ANAPC10: variants seen among roughly 807,000 people sequenced by gnomAD.
ANAPC10 encodes the protein anaphase-promoting complex subunit 10.
In ANAPC10, 12 loss-of-function variants were observed where a neutral mutation model predicts 22.0. That is an observed-to-expected ratio of 0.55 (90% CI 0.35 to 0.88). ANAPC10 has a LOEUF of 0.88. Among genes scored for constraint, ANAPC10 ranks in the 40% least tolerant of loss-of-function variants. ANAPC10 has a pLI of 0.01. For missense variants in ANAPC10, 188 were observed against 220.9 expected (o/e 0.85, Z 0.94); for synonymous variants, 65 against 69.5 (o/e 0.94, Z 0.32).
chr4:145,097,583 C>A, intron 1 of ANAPC10: 1 of 1,267,950 alleles, frequency 7.9e-7, no homozygotes, highest in Non-Finnish European at 1.0e-6. Context: ...GCAGACACAA[C>A]GGACTGTAAA....
chr4:145,064,748 T>G, intron 3 of ANAPC10, 56 bp from the exon 4 acceptor site: 1 of 1,361,362 alleles, frequency 7.3e-7, no homozygotes, highest in Non-Finnish European at 9.9e-7. Context: ...AGATTTCCAA[T>G]GCATCTTATC....
chr4:145,044,158 C>A (rs1739932899), intron 4 of ANAPC10, among the ~76,000 whole-genome samples: 1 of 151,956 alleles, frequency 6.6e-6, no homozygotes, highest in Non-Finnish European at 1.5e-5. Context: ...ACAGTATTTG[C>A]ATTATATTGA....
intron 4 of ANAPC10, among the ~76,000 whole-genome samples, chr4:145,008,713 C>T (rs183450516): frequency 1.2e-4 from 19 of 152,274 alleles, no homozygotes; most frequent in Admixed American, 3.3e-4. Context: ...CTATTTATGA[C>T]AAACCCACAG....
rs202100756 is a variant in ANAPC10, at chr4:145,036,995, CGTGTGTGTGTGTGTGTGT to C, written c.327+27559_327+27576del. On this transcript the variant is annotated intron_variant, in intron 4 of 4. Coordinates refer to ENST00000507656, the MANE Select transcript of ANAPC10 (RefSeq NM_001256706.2). Reference sequence around the variant, plus strand: ...TCTATTTCTTATACCAAATAGATAACGTGTGTGTGTGTGTGTGTGTGTGTGTGTGTGTGTGTGTGTGTG... The same window carrying C: ...TCTATTTCTTATACCAAATAGATAACGTGTGTGTGTGTGTGTGTGTGTGTG... Among the ~76,000 whole-genome samples, 38 of 131,244 alleles carry C rather than the reference CGTGTGTGTGTGTGTGTGT, an allele frequency of 2.9e-4. 1 individual carries two copies. Among genetic ancestry groups the C allele is most frequent in the African/African-American group, 1.0e-3 (36 of 34,566 alleles). The allele number at this position is 131,244 out of a possible 152,430, so 86.1% of individuals were successfully genotyped here.
At chr4:145,076,747 T>C (rs1745258104) in intron 3 of ANAPC10, among the ~76,000 whole-genome samples, 1 of 152,172 alleles carries the variant, frequency 6.6e-6, no homozygotes, top group African/African-American at 2.4e-5. Context: ...ACGAAATAGC[T>C]ATTTTAAGAA....
chr4:145,065,479 T>A (rs989970430), intron 3 of ANAPC10, among the ~76,000 whole-genome samples: 7 of 152,030 alleles, frequency 4.6e-5, no homozygotes, highest in African/African-American at 1.7e-4. Context: ...AACACAACCT[T>A]TGACCTACTA....
In ANAPC10 at chr4:145,038,124, C is replaced by T. The variant is rs138276644; in HGVS notation, c.327+26448G>A. ...CGTAAAGGGGAGGATAGCTTGAGGC[C>T]AGAAGTTCCAGACAAGCCTGGCAAC... is the stretch of plus-strand genomic sequence containing the variant. On this transcript the variant is annotated intron_variant, in intron 4 of 4. Transcript: ENST00000507656. Among the ~76,000 whole-genome samples, 140 of 152,066 alleles carry T rather than the reference C, an allele frequency of 9.2e-4. No individual in the cohort carries two copies. In the East Asian group the frequency reaches 0.011, roughly 12 times the overall value.
intron 2 of ANAPC10, among the ~76,000 whole-genome samples, chr4:145,094,005 C>A (rs1479957052): frequency 1.3e-5 from 2 of 152,120 alleles, no homozygotes; most frequent in Non-Finnish European, 2.9e-5. Context: ...TTCTACTGGT[C>A]CCAGAAACCA....
In ANAPC10 at chr4:144,995,109, CTCTTT is replaced by C. The variant is rs1376690485; in HGVS notation, c.*259_*263del. The C allele has an allele frequency of 2.5e-5, 6 of 241,100 alleles. No individual in the cohort carries two copies. The highest frequency in any genetic ancestry group is 1.8e-4 in the South Asian group (2 of 10,972). The allele number at this position is 241,100 out of a possible 1,614,324, so 14.9% of individuals were successfully genotyped here. ...AACTCTTTTCTTTTGATACAAGGAA[CTCTTT>C]TCTTTTGATACAAGGGAAAATAAAA... is the stretch of plus-strand genomic sequence containing the variant. On this transcript the variant is annotated 3_prime_UTR_variant, in exon 5 of 5. Transcript: ENST00000507656.
intron 4 of ANAPC10, among the ~76,000 whole-genome samples, chr4:145,051,470 A>G (rs1741088466): frequency 1.3e-5 from 2 of 151,952 alleles, no homozygotes; most frequent in Admixed American, 6.6e-5. Flanking sequence ...ACAAGCTGTT[A>G]AAAAAAATGG....
rs1748470572 is a variant in ANAPC10, at chr4:145,096,112, C to G, written c.-12-1G>C. 6.2e-7 allele frequency: 1 copy of G among 1,612,248 alleles called. No individual in the cohort carries two copies. Among genetic ancestry groups the G allele is most frequent in the Non-Finnish European group, 8.5e-7 (1 of 1,179,582 alleles). On this transcript the variant is annotated splice_acceptor_variant, in intron 1 of 4. Transcript: ENST00000507656. LOFTEE classifies it low-confidence loss of function (5UTR_SPLICE). ...TTGGTGTAGTCATTTTTAAAATATT[C>G]TATGTAGAAAACAAGAATGCACACA... is the stretch of plus-strand genomic sequence containing the variant.
chr4:145,088,634 C>A (rs1747229779), intron 2 of ANAPC10, among the ~76,000 whole-genome samples: 1 of 152,100 alleles, frequency 6.6e-6, no homozygotes, highest in Non-Finnish European at 1.5e-5. Flanking sequence ...TAGTCCAAAT[C>A]AACATCATCT....
chr4:145,043,261 T>C lies in ANAPC10; in HGVS notation c.327+21311A>G, dbSNP rs572545322. ...AAATAAGATGAAGTTTTGATTTTGA[T>C]ACATTATTTTGACTAAAAAACAATT... On this transcript the variant is annotated intron_variant, in intron 4 of 4. Coordinates refer to ENST00000507656, the MANE Select transcript of ANAPC10 (RefSeq NM_001256706.2). Among the ~76,000 whole-genome samples the C allele has an allele frequency of 4.6e-5, 7 of 152,068 alleles. No homozygotes were observed. The South Asian group carries it at 1.2e-3, about 27-fold the overall frequency.
At chr4:145,016,100 G>A (rs576870341) in intron 4 of ANAPC10, among the ~76,000 whole-genome samples, 1 of 152,248 alleles carries the variant, frequency 6.6e-6, no homozygotes, top group Admixed American at 6.5e-5. Context: ...ATTCAACATA[G>A]TGTTGGAAGT....
At chr4:145,008,407 C>G (rs1430105014) in intron 4 of ANAPC10, among the ~76,000 whole-genome samples, 1 of 152,184 alleles carries the variant, frequency 6.6e-6, no homozygotes, top group Non-Finnish European at 1.5e-5. Context: ...AGACCAATAT[C>G]CCTGATGAAC....
At chr4:145,032,440 G>A (rs553724612) in intron 4 of ANAPC10, among the ~76,000 whole-genome samples, 56 of 152,328 alleles carry the variant, frequency 3.7e-4, no homozygotes, top group African/African-American at 1.3e-3. Flanking sequence ...AGAGGTATGT[G>A]GATGGGCCTC....
At chr4:145,052,162 A>G (rs1215848082) in intron 4 of ANAPC10, among the ~76,000 whole-genome samples, 2 of 152,200 alleles carry the variant, frequency 1.3e-5, no homozygotes, top group East Asian at 3.8e-4. Context: ...TCGGTGAGGC[A>G]TAAGAAATAA....
chr4:145,039,688 G>A (rs568733295), intron 4 of ANAPC10, among the ~76,000 whole-genome samples: 47 of 152,058 alleles, frequency 3.1e-4, no homozygotes, highest in African/African-American at 8.7e-4. Flanking sequence ...TCCACCTCCC[G>A]GATTCAAGCA....
At chr4:145,089,984 T>C (rs893651765) in intron 2 of ANAPC10, among the ~76,000 whole-genome samples, 3 of 152,180 alleles carry the variant, frequency 2.0e-5, no homozygotes, top group Admixed American at 2.0e-4. Flanking sequence ...TCTTCTATAA[T>C]CAGGCTTCTA....
Sources: allele counts gnomAD v4.1 joint callset (sites outside exome capture counted in the v4.1 genomes callset), GRCh38; gene constraint gnomAD v4.1.1; transcripts MANE v1.5; gene names NCBI Gene and HGNC (gene_info 2026-07-23, HGNC 2026-07-21).